The following CDH13 variants were observed in gnomAD, a reference collection of about 807,000 sequenced individuals.
CDH13 encodes the protein cadherin 13, also known as cadherin-13.
A neutral mutation model predicts 63.8 loss-of-function variants in CDH13; 24 were observed. That is an observed-to-expected ratio of 0.38 (90% CI 0.27 to 0.53). CDH13 has a LOEUF of 0.53. CDH13 is among the 20% of genes least tolerant of loss of function. CDH13 has a pLI of 0.85. For synonymous variants in CDH13, 503 were observed against 355.3 expected, an observed-to-expected ratio of 1.42 and a Z score of -4.67; for missense variants, 1,049 against 903.1, an observed-to-expected ratio of 1.16 and a Z score of -2.07.
intron 3 of CDH13, among the ~76,000 whole-genome samples, chr16:83,077,485 A>G (rs1314511487): frequency 6.6e-6 from 1 of 151,558 alleles, no homozygotes; most frequent in Non-Finnish European, 1.5e-5. Flanking sequence ...GAGCCATCAC[A>G]CCTGGCCAGC....
At chr16:83,108,691 G>A (rs1363531853) in intron 3 of CDH13, among the ~76,000 whole-genome samples, 1 of 152,188 alleles carries the variant, frequency 6.6e-6, no homozygotes, top group Admixed American at 6.5e-5. Context: ...CGAAGGCAGG[G>A]TTTTGCTGGG....
intron 4 of CDH13, among the ~76,000 whole-genome samples, chr16:83,166,097 G>A (rs928491910): frequency 9.2e-5 from 14 of 152,138 alleles, no homozygotes; most frequent in African/African-American, 2.9e-4. Context: ...AGGCAGTGAT[G>A]CTGACAATTT....
intron 2 of CDH13, among the ~76,000 whole-genome samples, chr16:82,899,386 A>C (rs1433914691): frequency 1.3e-5 from 2 of 152,216 alleles, no homozygotes; most frequent in African/African-American, 4.8e-5. Flanking sequence ...GGTTTACGCA[A>C]AAGCCATGTT....
At chr16:83,722,918 G>A (rs1045019609) in intron 10 of CDH13, among the ~76,000 whole-genome samples, 2 of 152,258 alleles carry the variant, frequency 1.3e-5, no homozygotes, top group African/African-American at 4.8e-5. Context: ...AGGTCCCACT[G>A]AGGAAGGCCA....
chr16:83,300,369 A>G (rs186189842), intron 5 of CDH13, among the ~76,000 whole-genome samples: 2 of 152,362 alleles, frequency 1.3e-5, no homozygotes, highest in South Asian at 2.1e-4. Flanking sequence ...TGTTCTTTAT[A>G]TAGAGCTTTG....
At chr16:82,895,649 A>T (rs1301337270) in intron 2 of CDH13, among the ~76,000 whole-genome samples, 1 of 151,620 alleles carries the variant, frequency 6.6e-6, no homozygotes, top group African/African-American at 2.4e-5. Context: ...GTAGTAGATG[A>T]TGAAACAAAC....
chr16:83,044,702 G>A (rs917774255), intron 3 of CDH13, among the ~76,000 whole-genome samples: 2 of 152,156 alleles, frequency 1.3e-5, no homozygotes, highest in African/African-American at 4.8e-5. Flanking sequence ...TGTGTTTTTC[G>A]TTTTCTGAGT....
chr16:82,958,847 G>C (rs1906518338), intron 2 of CDH13, among the ~76,000 whole-genome samples: 1 of 152,228 alleles, frequency 6.6e-6, no homozygotes, highest in East Asian at 1.9e-4. Context: ...GCATTCACCT[G>C]GGTGAGTACT....
At chr16:82,670,953 A>G (rs1567610197) in intron 1 of CDH13, among the ~76,000 whole-genome samples, 2 of 152,206 alleles carry the variant, frequency 1.3e-5, no homozygotes, top group East Asian at 3.9e-4. Flanking sequence ...ATCATGGGTA[A>G]TAGTAACAAT....
chr16:82,633,207 G>A (rs1407502980), intron 1 of CDH13, among the ~76,000 whole-genome samples: 1 of 152,186 alleles, frequency 6.6e-6, no homozygotes, highest in Non-Finnish European at 1.5e-5. Flanking sequence ...TGTCCTTGGA[G>A]AACAGTGACA....
At chr16:83,091,239 C>T (rs2033892016) in intron 3 of CDH13, among the ~76,000 whole-genome samples, 1 of 151,648 alleles carries the variant, frequency 6.6e-6, no homozygotes, top group South Asian at 2.1e-4. Context: ...GCTTTTCCCC[C>T]TACTCCCTTT....
chr16:83,674,639 C>G (rs1914800870), intron 9 of CDH13, among the ~76,000 whole-genome samples: 1 of 152,202 alleles, frequency 6.6e-6, no homozygotes, highest in South Asian at 2.1e-4. Context: ...AACCAGTTAG[C>G]AATCCAACAT....
intron 8 of CDH13, among the ~76,000 whole-genome samples, chr16:83,660,072 C>G (rs1471495481): frequency 6.6e-6 from 1 of 152,132 alleles, no homozygotes; most frequent in African/African-American, 2.4e-5. Flanking sequence ...CACTCAGAAG[C>G]CACCACGCCC....
At chr16:83,393,525 G>T (rs918086310) in intron 6 of CDH13, among the ~76,000 whole-genome samples, 1 of 152,202 alleles carries the variant, frequency 6.6e-6, no homozygotes, top group Non-Finnish European at 1.5e-5. Context: ...ATGGCTGCCA[G>T]GAACCAGGGC....
intron 1 of CDH13, among the ~76,000 whole-genome samples, chr16:82,817,825 A>G (rs566845062): frequency 4.6e-5 from 7 of 152,300 alleles, no homozygotes; most frequent in African/African-American, 1.7e-4. Flanking sequence ...ATGAAAAACC[A>G]CATATAGTTA....
chr16:83,527,517 G>C (rs143843770), intron 7 of CDH13, among the ~76,000 whole-genome samples: 5 of 152,148 alleles, frequency 3.3e-5, no homozygotes, highest in African/African-American at 1.2e-4. Flanking sequence ...TGCGTTAACC[G>C]CAGCACAGGG....
At chr16:83,023,482 G>C (rs977184219) in intron 2 of CDH13, among the ~76,000 whole-genome samples, 12 of 152,186 alleles carry the variant, frequency 7.9e-5, no homozygotes, top group African/African-American at 1.7e-4. Context: ...GTTCAGAAGA[G>C]TACAGATAGT....
intron 1 of CDH13, among the ~76,000 whole-genome samples, chr16:82,849,740 G>T (rs769649915): frequency 6.6e-6 from 1 of 152,218 alleles, no homozygotes; most frequent in Non-Finnish European, 1.5e-5. Context: ...TAATGCAACT[G>T]ATGACTTTAA....
At chr16:82,675,874 G>T (rs58010448) in intron 1 of CDH13, among the ~76,000 whole-genome samples, 8 of 151,980 alleles carry the variant, frequency 5.3e-5, no homozygotes, top group African/African-American at 1.9e-4. Context: ...CTCTTTCCGC[G>T]CTAAGCAGTT....
Sources: allele counts gnomAD v4.1 joint callset (sites outside exome capture counted in the v4.1 genomes callset), GRCh38; gene constraint gnomAD v4.1.1; transcripts MANE v1.5; gene names NCBI Gene and HGNC (gene_info 2026-07-23, HGNC 2026-07-21).